RABGAP1L: variants seen among roughly 807,000 people sequenced by gnomAD.
RABGAP1L encodes RAB GTPase activating protein 1 like, also known as rab GTPase-activating protein 1-like.
In RABGAP1L, 63 loss-of-function variants were observed where a neutral mutation model predicts 137.7. The observed-to-expected ratio is 0.46, with a 90% confidence interval of 0.37 to 0.56. The LOEUF is 0.56. Ranked by LOEUF, RABGAP1L falls within the 20% of genes least tolerant of loss-of-function variation. The probability of loss-of-function intolerance (pLI) is 0.00; values close to 1 mark genes in which losing one functional copy is unlikely to be tolerated. For missense variants in RABGAP1L, 1,095 were observed against 1,244.0 expected, an observed-to-expected ratio of 0.88 and a Z score of 1.80; for synonymous variants, 431 against 433.7, an observed-to-expected ratio of 0.99 and a Z score of 0.08.
At chr1:174,788,704 C>T (rs1020531007) in intron 18 of RABGAP1L, among the ~76,000 whole-genome samples, 2 of 152,058 alleles carry the variant, frequency 1.3e-5, no homozygotes, top group South Asian at 4.1e-4. Context: ...TACTTACTGG[C>T]CTCAAATGTA....
At chr1:174,392,554 A>G (rs1333779325) in intron 12 of RABGAP1L, among the ~76,000 whole-genome samples, 1 of 152,256 alleles carries the variant, frequency 6.6e-6, no homozygotes, top group African/African-American at 2.4e-5. Context: ...AAAGGCTAAA[A>G]GAAACCATTA....
rs961931248 is a variant in RABGAP1L, at chr1:174,190,976, A to G, written c.-33-28149A>G. Among the ~76,000 whole-genome samples, 11 of 152,194 alleles carry G rather than the reference A, an allele frequency of 7.2e-5. No individual in the cohort carries two copies. In the East Asian group the frequency reaches 1.5e-3, roughly 21 times the overall value. The stretch of plus-strand genomic sequence containing the variant: ...AGATGGAAGAACGGCTAGTTGGTGG[A>G]GCAGGCAGAACACACAGAGACTTTA... On this transcript the variant is annotated intron_variant, in intron 1 of 25. Coordinates refer to ENST00000681986, the MANE Select transcript of RABGAP1L (RefSeq NM_001366446.1).
chr1:174,830,400 CTATT>C lies in RABGAP1L; in HGVS notation c.2340+18446_2340+18449del, dbSNP rs1410471478. Among the ~76,000 whole-genome samples the C allele has an allele frequency of 1.4e-5, 2 of 147,556 alleles. 1 individual carries two copies. Among genetic ancestry groups the C allele is most frequent in the East Asian group, 4.2e-4 (2 of 4,782 alleles). On this transcript the variant is annotated intron_variant, in intron 19 of 25. Transcript: ENST00000681986. ...GTTAATACTTTTTGTTTAATTTAAT[CTATT>C]TATTTTTATTTATAATGTGATTTAA... is the stretch of plus-strand genomic sequence containing the variant.
At chr1:174,838,698 G>A (rs1259754719) in intron 19 of RABGAP1L, among the ~76,000 whole-genome samples, 1 of 151,920 alleles carries the variant, frequency 6.6e-6, no homozygotes, top group Non-Finnish European at 1.5e-5. Context: ...GGGAGGCCGA[G>A]GCGGGCGGAT....
Position 174,972,609 on chromosome 1 carries a change from T to C in RABGAP1L, c.2544+3222T>C, listed in dbSNP as rs553070613. Reference sequence around the variant, plus strand: ...GGCTCACGCCTGTAATCCTAGCACTTTGGGAGGCCGAGGCAGGTGGATTGC... The same window carrying C: ...GGCTCACGCCTGTAATCCTAGCACTCTGGGAGGCCGAGGCAGGTGGATTGC... On this transcript the variant is annotated intron_variant, in intron 21 of 25. Transcript: ENST00000681986. Among the ~76,000 whole-genome samples the C allele has an allele frequency of 1.6e-3, 238 of 152,190 alleles. 3 individuals are homozygous for C. Among genetic ancestry groups the C allele is most frequent in the Non-Finnish European group, 2.2e-4 (15 of 67,998 alleles).
chr1:174,370,870 A>G (rs1685062811), intron 11 of RABGAP1L, 109 bp from the exon 12 acceptor site: 9 of 471,762 alleles, frequency 1.9e-5, no homozygotes, highest in Non-Finnish European at 3.3e-5. Context: ...TAATAATATG[A>G]AGAGAAGCTG....
intron 11 of RABGAP1L, among the ~76,000 whole-genome samples, chr1:174,349,112 C>CT (rs1682769292): frequency 1.0e-5 from 1 of 100,466 alleles, no homozygotes; most frequent in Admixed American, 8.8e-5. Context: ...GGGCTGACAC[C>CT]CCCACCTCCC....
At chr1:174,296,853 G>A (rs1677173095) in intron 10 of RABGAP1L, among the ~76,000 whole-genome samples, 1 of 152,202 alleles carries the variant, frequency 6.6e-6, no homozygotes, top group African/African-American at 2.4e-5. Flanking sequence ...GGAAATAAAT[G>A]TCATGCATCT....
chr1:174,322,227 G>T (rs1467761899), intron 11 of RABGAP1L, among the ~76,000 whole-genome samples: 2 of 152,016 alleles, frequency 1.3e-5, no homozygotes, highest in Non-Finnish European at 2.9e-5. Flanking sequence ...ATATAGGTCT[G>T]TTATCTATTT....
intron 13 of RABGAP1L, among the ~76,000 whole-genome samples, chr1:174,530,587 T>C (rs145921905): frequency 7.9e-5 from 12 of 152,286 alleles, no homozygotes; most frequent in African/African-American, 2.2e-4. Context: ...TTCCCCACAT[T>C]GGGGAGTAGC....
At position 174,519,159 on chromosome 1, in the gene RABGAP1L, T is replaced by C. The variant is rs192028380; in HGVS notation, c.1711-118216T>C. ...TATATATGTATATACTTTTTGTTTG[T>C]ATTTTTGTATAAACTCCCATGTGTA... On this transcript the variant is annotated intron_variant, in intron 13 of 25. Transcript: ENST00000681986. Among the ~76,000 whole-genome samples, 132 of 151,650 alleles carry C rather than the reference T, an allele frequency of 8.7e-4. 1 individual carries two copies. The highest frequency in any genetic ancestry group is 3.0e-3 in the African/African-American group (126 of 41,392).
At chr1:174,420,877 G>T (rs562944549) in intron 13 of RABGAP1L, among the ~76,000 whole-genome samples, 2 of 151,896 alleles carry the variant, frequency 1.3e-5, no homozygotes, top group Non-Finnish European at 1.5e-5. Flanking sequence ...GGGTTTCACC[G>T]TGTTCGCCAG....
chr1:174,768,424 C>T (rs1015402587), intron 18 of RABGAP1L, among the ~76,000 whole-genome samples: 1 of 152,210 alleles, frequency 6.6e-6, no homozygotes, highest in Non-Finnish European at 1.5e-5. Context: ...CGAGTAGGCT[C>T]AAGCATGCCC....
At chr1:174,282,794 G>A (rs764340357) in intron 10 of RABGAP1L, among the ~76,000 whole-genome samples, 2 of 152,148 alleles carry the variant, frequency 1.3e-5, no homozygotes, top group Non-Finnish European at 2.9e-5. Context: ...ATGAAGGCTT[G>A]AGGTCATCTT....
intron 17 of RABGAP1L, among the ~76,000 whole-genome samples, chr1:174,707,413 G>C (rs1223206812): frequency 6.6e-6 from 1 of 152,164 alleles, no homozygotes; most frequent in Non-Finnish European, 1.5e-5. Flanking sequence ...GTGCTTTTAT[G>C]AGAGAAGTTA....
chr1:174,501,816 GA>G (rs973295967), intron 13 of RABGAP1L, among the ~76,000 whole-genome samples: 2 of 151,428 alleles, frequency 1.3e-5, no homozygotes, highest in Non-Finnish European at 2.9e-5. Flanking sequence ...TTTCAGTGGG[GA>G]AAAAAATACC....
At chr1:174,179,424 T>C (rs543344232) in intron 1 of RABGAP1L, among the ~76,000 whole-genome samples, 7 of 152,338 alleles carry the variant, frequency 4.6e-5, no homozygotes, top group African/African-American at 1.7e-4. Flanking sequence ...TATTATACTT[T>C]GGTGTGCAGC....
chr1:174,751,516 T>C (rs543950050), intron 17 of RABGAP1L, among the ~76,000 whole-genome samples: 2 of 152,328 alleles, frequency 1.3e-5, no homozygotes, highest in East Asian at 3.9e-4. Flanking sequence ...ATGACTTGCA[T>C]GGCAAGGAAA....
At chr1:174,263,746 A>G (rs1571835748) in intron 7 of RABGAP1L, among the ~76,000 whole-genome samples, 1 of 151,580 alleles carries the variant, frequency 6.6e-6, no homozygotes, top group East Asian at 1.9e-4. Context: ...GAGCTAAAGC[A>G]TTTTATTTTG....
Sources: gnomAD v4.1 joint callset for allele counts (sites outside exome capture counted in the v4.1 genomes callset) on GRCh38, gnomAD v4.1.1 for gene constraint, MANE v1.5 for transcripts, NCBI Gene and HGNC (gene_info 2026-07-23, HGNC 2026-07-21) for gene names.